The following ATG4B variants were observed in gnomAD, a reference collection of about 807,000 sequenced individuals.
ATG4B encodes the protein autophagy related 4B cysteine peptidase, also known as cysteine protease ATG4B.
Under a neutral mutation model 56.6 loss-of-function variants are expected in ATG4B, and 29 were observed. The observed-to-expected ratio is 0.51, with a 90% CI of 0.38 to 0.70. ATG4B has a LOEUF of 0.70. ATG4B is among the 30% of genes least tolerant of loss of function. ATG4B has a pLI of 0.00. For missense variants in ATG4B, 461 were observed against 515.5 expected (o/e 0.89, Z 1.02); for synonymous variants, 224 against 206.1 (o/e 1.09, Z -0.74).
In ATG4B at chr2:241,650,636, C is replaced by T. The variant is rs144743971; in HGVS notation, c.11-374C>T. The stretch of plus-strand genomic sequence containing the variant: ...TTAAGTCTAAAGTAAGTGCTTGAAT[C>T]GGGTGGGTTTTCATTTTTTTGCTTT... On this transcript the variant is annotated intron_variant, in intron 1 of 12. Coordinates refer to ENST00000404914, the MANE Select transcript of ATG4B (RefSeq NM_013325.5). Among the ~76,000 whole-genome samples, 248 of 152,170 alleles carry T rather than the reference C, an allele frequency of 1.6e-3. 3 individuals are homozygous for T. The East Asian group carries it at 0.043, about 26-fold the overall frequency.
At chr2:241,671,548 C>T (rs1266570429) in intron 12 of ATG4B, 143 bp downstream of exon 12, 2 of 1,538,398 alleles carry the variant, frequency 1.3e-6, no homozygotes, top group Admixed American at 3.9e-5. Context: ...GCCTGTGAGA[C>T]CAGGTATGGA....
In ATG4B at chr2:241,653,585, C is replaced by T. The variant is rs1197191243; in HGVS notation, c.258C>T (p.Ala86=). The T allele has an allele frequency of 1.3e-6, 2 of 1,573,118 alleles. No homozygotes were observed. The highest frequency in any genetic ancestry group is 2.3e-5 in the South Asian group (2 of 85,414). The part of the protein sequence containing the change: ...LRCGQMIFAQ[A]LVCRHLGRDW... ...GTGGACAGATGATCTTTGCCCAAGC[C>T]CTGGTGTGCCGGCACCTAGGCCGAG... Residue 86 remains alanine (A), a synonymous_variant, in exon 4 of 13, where the codon GCC becomes GCT. Transcript: ENST00000404914.
At chr2:241,662,617 G>A (rs779063525) in intron 7 of ATG4B, among the ~76,000 whole-genome samples, 5 of 152,180 alleles carry the variant, frequency 3.3e-5, no homozygotes, top group African/African-American at 4.8e-5. Context: ...CCCTTGAGCC[G>A]ATTCATGTGT....
At chr2:241,639,779 G>A (rs1333196479) in intron 1 of ATG4B, among the ~76,000 whole-genome samples, 2 of 152,154 alleles carry the variant, frequency 1.3e-5, no homozygotes, top group African/African-American at 4.8e-5. Context: ...TTAAAACAAA[G>A]TCACTACTCA....
chr2:241,666,588 G>A, intron 7 of ATG4B, 57 bp from the exon 8 acceptor site: 1 of 1,566,436 alleles, frequency 6.4e-7, no homozygotes, highest in South Asian at 1.1e-5. Context: ...CTTGCTTGTT[G>A]TGGGAGCACT....
intron 1 of ATG4B, 104 bp downstream of exon 1, chr2:241,637,828 G>C (rs1004599844): frequency 3.9e-5 from 54 of 1,378,742 alleles, no homozygotes; most frequent in Non-Finnish European, 4.1e-5. Flanking sequence ...GGGCACGCCG[G>C]TGCGGGCCAG....
At chr2:241,659,298 T>C (rs1240179615) in intron 7 of ATG4B, 111 bp downstream of exon 7, 4 of 964,862 alleles carry the variant, frequency 4.1e-6, no homozygotes, top group South Asian at 1.4e-5. Context: ...AGTCGCCCCA[T>C]GCCGTGCAGG....
At chr2:241,666,478 G>A (rs1458182036) in intron 7 of ATG4B, 167 bp from the exon 8 acceptor site, 1 of 707,732 alleles carries the variant, frequency 1.4e-6, no homozygotes, top group Non-Finnish European at 2.4e-6. Context: ...GCAAGATTAT[G>A]AAAAAATTTT....
chr2:241,660,856 G>A lies in ATG4B; in HGVS notation c.538+1669G>A, dbSNP rs143790294. ...AATCACTTACCCCCTCGTTCCGCACGCGTGCTCAGGATCTCACCAAGTCAC... is the reference window on the plus strand; with the variant it reads ...AATCACTTACCCCCTCGTTCCGCACACGTGCTCAGGATCTCACCAAGTCAC... On this transcript the variant is annotated intron_variant, in intron 7 of 12. Coordinates refer to ENST00000404914, the MANE Select transcript of ATG4B (RefSeq NM_013325.5). Among the ~76,000 whole-genome samples the A allele has an allele frequency of 6.8e-3, 1,038 of 152,208 alleles. 6 individuals are homozygous for A. Among genetic ancestry groups the A allele is most frequent in the Non-Finnish European group, 0.011 (746 of 68,006 alleles).
chr2:241,672,106 C>G lies in ATG4B; in HGVS notation c.1109-85C>G. 3 of 1,530,942 alleles carry G rather than the reference C, an allele frequency of 2.0e-6. No individual in the cohort carries two copies. In the Admixed American group the frequency reaches 6.0e-5, roughly 31 times the overall value. The allele number at this position is 1,530,942 out of a possible 1,614,324, so 94.8% of individuals were successfully genotyped here. ...TGTGGGCTGCAGAGCAGGCACTGCT[C>G]AGTCTGCCCCACGCCAAGGGCCCTT... On this transcript the variant is annotated intron_variant, in intron 12 of 12. Coordinates refer to ENST00000404914, the MANE Select transcript of ATG4B (RefSeq NM_013325.5).
intron 1 of ATG4B, among the ~76,000 whole-genome samples, chr2:241,643,856 C>G (rs2067985251): frequency 6.6e-6 from 1 of 151,984 alleles, no homozygotes; most frequent in Non-Finnish European, 1.5e-5. Flanking sequence ...AGCCACTGCA[C>G]CCGGCGAGTG....
intron 10 of ATG4B, among the ~76,000 whole-genome samples, chr2:241,670,038 TC>T (rs2125149587): frequency 6.6e-6 from 1 of 152,186 alleles, no homozygotes; most frequent in East Asian, 1.9e-4. Flanking sequence ...AGGAGGAATG[TC>T]CCCTGTCCCC....
At chr2:241,642,757 G>A (rs1299551393) in intron 1 of ATG4B, among the ~76,000 whole-genome samples, 1 of 149,516 alleles carries the variant, frequency 6.7e-6, no homozygotes, top group Non-Finnish European at 1.5e-5. Flanking sequence ...GCTTGTGATC[G>A]CAGAAGTCCC....
chr2:241,666,300 TCTGGCTGTGCTGGCA>T (rs2068767146), intron 7 of ATG4B, among the ~76,000 whole-genome samples: 1 of 152,266 alleles, frequency 6.6e-6, no homozygotes, highest in Non-Finnish European at 1.5e-5. Context: ...GGGAGCGGGT[TCTGGCTGTGCTGGCA>T]CTAGCCAGGC....
intron 7 of ATG4B, among the ~76,000 whole-genome samples, chr2:241,663,324 C>T (rs1225343283): frequency 1.3e-5 from 2 of 152,110 alleles, no homozygotes; most frequent in Non-Finnish European, 2.9e-5. Flanking sequence ...ACAGGGGACC[C>T]AGATAACACA....
chr2:241,647,102 A>C (rs2068082878), intron 1 of ATG4B, among the ~76,000 whole-genome samples: 2 of 152,052 alleles, frequency 1.3e-5, no homozygotes, highest in African/African-American at 4.8e-5. Context: ...TTTTTGACCT[A>C]AGTATTTTCA....
chr2:241,659,259 T>TC (rs1251296732), intron 7 of ATG4B, 72 bp downstream of exon 7: 15 of 1,370,710 alleles, frequency 1.1e-5, no homozygotes, highest in African/African-American at 1.4e-5. Context: ...CTCGCCTGAG[T>TC]CCCCACGGGA....
intron 3 of ATG4B, among the ~76,000 whole-genome samples, chr2:241,652,701 G>T (rs1255804398): frequency 6.6e-6 from 1 of 152,138 alleles, no homozygotes; most frequent in Non-Finnish European, 1.5e-5. Flanking sequence ...GATCAGCAGT[G>T]GAGCGAGGGT....
At chr2:241,637,875 G>T (rs984592831) in intron 1 of ATG4B, 151 bp downstream of exon 1, 3 of 872,514 alleles carry the variant, frequency 3.4e-6, no homozygotes, top group African/African-American at 3.6e-5. Flanking sequence ...GGAGCGCGGG[G>T]CGGTGTTGGT....
Sources: gnomAD v4.1 joint callset for allele counts (sites outside exome capture counted in the v4.1 genomes callset) on GRCh38, gnomAD v4.1.1 for gene constraint, MANE v1.5 for transcripts, NCBI Gene and HGNC (gene_info 2026-07-23, HGNC 2026-07-21) for gene names.